Variants in ADCY3 observed in about 807,000 individuals in gnomAD.
ADCY3 encodes adenylate cyclase 3.
ADCY3 carries 70 observed loss-of-function variants against 119.4 expected under a neutral mutation model. The observed-to-expected ratio is 0.59, with a 90% CI of 0.48 to 0.72. The LOEUF (loss-of-function observed/expected upper bound fraction) is 0.72. Among genes scored for constraint, ADCY3 ranks in the 30% least tolerant of loss-of-function variants. The pLI, the probability that ADCY3 is intolerant of heterozygous loss-of-function variation, is 0.00. For synonymous variants in ADCY3, 672 were observed against 621.4 expected, an observed-to-expected ratio of 1.08 and a Z score of -1.21; for missense variants, 1,238 against 1,541.6, an observed-to-expected ratio of 0.80 and a Z score of 3.30.
In ADCY3 at chr2:24,823,307, G is replaced by C; in HGVS notation, c.2785C>G (p.Leu929Val). ...YDEIGVMFAS[L>V]PNFADFYTEE... The stretch of plus-strand genomic sequence containing the variant: ...GTGTAGAAGTCAGCAAAGTTGGGCA[G>C]GGAGGCAAACATGACTCCAATCTCA... Residue 929 changes from leucine (L) to valine (V), a missense_variant, in exon 18 of 22, where the codon CTG (leucine) becomes GTG (valine). This residue lies in a region of ADCY3 where 499 missense variants were observed against 571.0 expected (regional missense o/e 0.87). Transcript: ENST00000679454. 1 of 1,613,806 alleles carries C rather than the reference G, an allele frequency of 6.2e-7. No homozygotes were observed. Among genetic ancestry groups the C allele is most frequent in the Non-Finnish European group, 8.5e-7 (1 of 1,179,952 alleles).
chr2:24,874,205 C>T (rs894851344), intron 2 of ADCY3, among the ~76,000 whole-genome samples: 1 of 152,186 alleles, frequency 6.6e-6, no homozygotes, highest in Non-Finnish European at 1.5e-5. Context: ...CGTTGCGTGA[C>T]GAATCAGGAG....
chr2:24,835,086 C>G (rs1056376979), intron 9 of ADCY3, 150 bp from the exon 10 acceptor site: 1 of 1,093,904 alleles, frequency 9.1e-7, no homozygotes, highest in African/African-American at 1.6e-5. Context: ...TCCGGGAAGT[C>G]TTCCCCATGC....
At position 24,824,488 on chromosome 2, in the gene ADCY3, C is replaced by A. The variant is rs773980429; in HGVS notation, c.2626G>T (p.Asp876Tyr). ...ATCTCATAGACACGTTCCTTCTGGTCGTGGACCTCAATCTTCCACAAGAAA... is the reference window on the plus strand; with the variant it reads ...ATCTCATAGACACGTTCCTTCTGGTAGTGGACCTCAATCTTCCACAAGAAA... ...TLFLWKIEVH[D>Y]QKERVYEMRR... Residue 876 changes from aspartate to tyrosine, a missense_variant, in exon 17 of 22, where the codon GAC becomes TAC. Physicochemically the swap from Asp to Tyr is radical, Grantham distance 160. This residue lies in a region of ADCY3 where 499 missense variants were observed against 571.0 expected (regional missense o/e 0.87). Coordinates refer to ENST00000679454, the MANE Select transcript of ADCY3 (RefSeq NM_004036.5). The A allele has an allele frequency of 6.2e-7, 1 of 1,614,202 alleles. No homozygotes were observed. The highest frequency in any genetic ancestry group is 8.5e-7 in the Non-Finnish European group (1 of 1,180,042).
intron 2 of ADCY3, among the ~76,000 whole-genome samples, chr2:24,879,382 G>A (rs185765021): frequency 1.3e-5 from 2 of 151,230 alleles, no homozygotes; most frequent in East Asian, 3.9e-4. Context: ...GAACCCGGGA[G>A]GCGGAGCTTG....
At chr2:24,916,735 G>T (rs1174413575) in intron 2 of ADCY3, among the ~76,000 whole-genome samples, 1 of 152,112 alleles carries the variant, frequency 6.6e-6, no homozygotes, top group Admixed American at 6.5e-5. Context: ...GATATGACTG[G>T]TGTTTCCACC....
At chr2:24,840,053 G>T (rs773202459) in intron 6 of ADCY3, 22 bp from the exon 7 acceptor site, 6 of 1,594,808 alleles carry the variant, frequency 3.8e-6, no homozygotes, top group Non-Finnish European at 3.4e-6. Context: ...ACACAGAAAG[G>T]AGGGTCAGGG....
intron 2 of ADCY3, among the ~76,000 whole-genome samples, chr2:24,910,417 T>C (rs1158288245): frequency 6.6e-6 from 1 of 152,070 alleles, no homozygotes; most frequent in Non-Finnish European, 1.5e-5. Context: ...GTTTAAACTG[T>C]TACTCTTTTA....
At chr2:24,852,143 G>A (rs1310394099) in intron 3 of ADCY3, among the ~76,000 whole-genome samples, 1 of 152,184 alleles carries the variant, frequency 6.6e-6, no homozygotes, top group South Asian at 2.1e-4. Flanking sequence ...ACCTGGGCGT[G>A]GGAATCAGGC....
chr2:24,823,423 C>T, intron 17 of ADCY3, 68 bp from the exon 18 acceptor site: 3 of 1,553,218 alleles, frequency 1.9e-6, no homozygotes, highest in Non-Finnish European at 2.6e-6. Context: ...TGGAGAAATG[C>T]ATCTATCTTC....
intron 2 of ADCY3, among the ~76,000 whole-genome samples, chr2:24,900,786 A>G (rs1678813914): frequency 6.6e-6 from 1 of 152,272 alleles, no homozygotes; most frequent in South Asian, 2.1e-4. Flanking sequence ...AATTAGAACC[A>G]GGAAAGGGTG....
chr2:24,824,417 G>C lies in ADCY3; in HGVS notation c.2697C>G (p.His899Gln), dbSNP rs140258004. The C allele has an allele frequency of 6.2e-7, 1 of 1,614,204 alleles. No individual in the cohort carries two copies. Among genetic ancestry groups the C allele is most frequent in the South Asian group, 1.1e-5 (1 of 91,090 alleles). ...EALVTNMLPEHVARHFLGSKK... is the reference protein window; with the variant it reads ...EALVTNMLPEQVARHFLGSKK... ...TGGACCCCAGGAAATGGCGTGCCAC[G>C]TGCTCAGGCAACATGTTGGTGACCA... is the stretch of plus-strand genomic sequence containing the variant. Residue 899 changes from histidine to glutamine, a missense_variant, in exon 17 of 22, where the codon CAC becomes CAG. Physicochemically the swap from His to Gln is conservative, Grantham distance 24. This residue lies in a region of ADCY3 where 499 missense variants were observed against 571.0 expected (regional missense o/e 0.87). Coordinates refer to ENST00000679454, the MANE Select transcript of ADCY3 (RefSeq NM_004036.5).
intron 2 of ADCY3, among the ~76,000 whole-genome samples, chr2:24,879,182 G>C (rs1197154106): frequency 1.3e-5 from 2 of 152,116 alleles, no homozygotes; most frequent in African/African-American, 4.8e-5. Flanking sequence ...CAGTAAGACT[G>C]AAAGACTGGG....
chr2:24,909,872 TTGCATC>T (rs1663362112), intron 2 of ADCY3, among the ~76,000 whole-genome samples: 1 of 152,202 alleles, frequency 6.6e-6, no homozygotes, highest in South Asian at 2.1e-4. Flanking sequence ...CAATTTCCTC[TTGCATC>T]TGAGTTAGCC....
Position 24,860,574 on chromosome 2 carries a change from G to A in ADCY3, c.825+11996C>T, listed in dbSNP as rs563459281. ...GAGCCAGGGAGGTTAAAGCAGCAAAGCCACTGGAATCTGAGACCCTTGCCA... is the reference window on the plus strand; with the variant it reads ...GAGCCAGGGAGGTTAAAGCAGCAAAACCACTGGAATCTGAGACCCTTGCCA... On this transcript the variant is annotated intron_variant, in intron 3 of 21. Coordinates refer to ENST00000679454, the MANE Select transcript of ADCY3 (RefSeq NM_004036.5). Among the ~76,000 whole-genome samples the A allele has an allele frequency of 8.5e-5, 13 of 152,332 alleles. No homozygotes were observed. The East Asian group carries it at 2.5e-3, about 29-fold the overall frequency.
At chr2:24,880,076 G>A (rs553211614) in intron 2 of ADCY3, among the ~76,000 whole-genome samples, 7 of 152,326 alleles carry the variant, frequency 4.6e-5, no homozygotes, top group Admixed American at 4.6e-4. Context: ...TCCGAGCTGG[G>A]TATCTGCCAA....
At chr2:24,913,155 T>G (rs1664004721) in intron 2 of ADCY3, among the ~76,000 whole-genome samples, 1 of 152,204 alleles carries the variant, frequency 6.6e-6, no homozygotes, top group Non-Finnish European at 1.5e-5. Flanking sequence ...CTCTGTGTCC[T>G]GCACACCTCT....
chr2:24,837,374 A>G (rs1335399401), intron 8 of ADCY3, among the ~76,000 whole-genome samples: 1 of 152,208 alleles, frequency 6.6e-6, no homozygotes, highest in Non-Finnish European at 1.5e-5. Flanking sequence ...AAGTGGCTGT[A>G]TGTTGAGTGC....
chr2:24,832,079 A>C (rs1169556594), intron 11 of ADCY3: 1 of 8,842 alleles, frequency 1.1e-4, no homozygotes, highest in African/African-American at 7.0e-4. Flanking sequence ...GGCAGGGGAC[A>C]GGGGCCGGGG....
At chr2:24,886,432 C>T (rs1316987245) in intron 2 of ADCY3, among the ~76,000 whole-genome samples, 2 of 152,178 alleles carry the variant, frequency 1.3e-5, no homozygotes, top group Non-Finnish European at 2.9e-5. Context: ...TGCGCTACAT[C>T]ATGTTTAGCA....
Sources: gnomAD v4.1 joint callset for allele counts (sites outside exome capture counted in the v4.1 genomes callset) on GRCh38, gnomAD v4.1.1 for gene constraint, gnomAD v4.1.1 regional missense constraint, MANE v1.5 for transcripts, NCBI Gene and HGNC (gene_info 2026-07-23, HGNC 2026-07-21) for gene names.